MCTP2: variants seen among roughly 807,000 people sequenced by gnomAD.
MCTP2 encodes the protein multiple C2 and transmembrane domain containing 2.
In MCTP2, 132 loss-of-function variants were observed where a neutral mutation model predicts 111.6. That is an observed-to-expected ratio of 1.18 (90% confidence interval 1.03 to 1.37). MCTP2 has a LOEUF of 1.37. Among genes scored for constraint, MCTP2 ranks in the 40% most tolerant of loss-of-function variants. The pLI is 0.00. For missense variants in MCTP2, 1,183 were observed against 1,067.9 expected, an observed-to-expected ratio of 1.11 and a Z score of -1.50; for synonymous variants, 395 against 387.7, an observed-to-expected ratio of 1.02 and a Z score of -0.22.
chr15:94,330,076 A>G (rs1003332505), intron 4 of MCTP2, among the ~76,000 whole-genome samples: 2 of 152,196 alleles, frequency 1.3e-5, no homozygotes, highest in African/African-American at 2.4e-5. Flanking sequence ...TGCCTGGCTT[A>G]TTTCACTTAG....
intron 12 of MCTP2, among the ~76,000 whole-genome samples, chr15:94,375,313 T>C (rs1030017795): frequency 4.6e-5 from 7 of 152,162 alleles, no homozygotes; most frequent in South Asian, 4.1e-4. Context: ...ACCTCCACCA[T>C]TGGGGATTAC....
At chr15:94,301,616 C>T (rs1178057072) in intron 2 of MCTP2, among the ~76,000 whole-genome samples, 1 of 152,220 alleles carries the variant, frequency 6.6e-6, no homozygotes, top group Non-Finnish European at 1.5e-5. Context: ...TTGTTTAATA[C>T]AAAAACGATG....
intron 7 of MCTP2, chr15:94,341,245 C>G (rs1357622924): frequency 6.5e-6 from 2 of 306,928 alleles, no homozygotes; most frequent in African/African-American, 4.3e-5. Flanking sequence ...TGGGAAGATA[C>G]AAATTTTAAT....
At chr15:94,330,434 T>C (rs1037157154) in intron 4 of MCTP2, among the ~76,000 whole-genome samples, 3 of 152,216 alleles carry the variant, frequency 2.0e-5, no homozygotes, top group African/African-American at 7.2e-5. Context: ...CTAATATGCA[T>C]ATAGGTCTTG....
chr15:94,430,163 C>A (rs928225246), intron 17 of MCTP2, among the ~76,000 whole-genome samples: 29 of 152,144 alleles, frequency 1.9e-4, no homozygotes, highest in African/African-American at 7.0e-4. Context: ...CACAGTAATT[C>A]TTCTTAAATA....
intron 10 of MCTP2, among the ~76,000 whole-genome samples, chr15:94,362,787 G>A (rs1242726882): frequency 6.6e-6 from 1 of 152,178 alleles, no homozygotes; most frequent in Non-Finnish European, 1.5e-5. Flanking sequence ...AACTTGAGCA[G>A]GTTTGTCTGA....
intron 1 of MCTP2, among the ~76,000 whole-genome samples, chr15:94,255,598 C>T (rs754412388): frequency 1.6e-4 from 25 of 152,096 alleles, no homozygotes; most frequent in Admixed American, 2.6e-4. Flanking sequence ...AAGGAAGGGA[C>T]GTTGCATCTC....
chr15:94,260,770 C>A (rs191941325), intron 1 of MCTP2, among the ~76,000 whole-genome samples: 3 of 152,172 alleles, frequency 2.0e-5, no homozygotes, highest in Non-Finnish European at 4.4e-5. Flanking sequence ...CTGAATGAAC[C>A]CCTCTTCTCA....
chr15:94,385,611 ACCTGGGGG>A, intron 14 of MCTP2, 86 bp downstream of exon 14: 3 of 907,190 alleles, frequency 3.3e-6, no homozygotes, highest in South Asian at 2.8e-5. Context: ...ATCTTTGTCA[ACCTGGGGG>A]AAAAAAATCC....
chr15:94,293,570 C>A (rs2075125299), intron 1 of MCTP2, among the ~76,000 whole-genome samples: 1 of 152,192 alleles, frequency 6.6e-6, no homozygotes, highest in African/African-American at 2.4e-5. Context: ...TACTCCAGGC[C>A]ACGGTCTTCC....
rs779260046 is a variant in MCTP2, at chr15:94,340,904, CAG to C, written c.950_951del (p.Gln317ArgfsTer2). ...GTTAAATTTGAACCTAGTGGTAAAACAGGGTGATTTCAAGAGACACGTAAGTG... is the reference window on the plus strand; with the variant it reads ...GTTAAATTTGAACCTAGTGGTAAAACGGTGATTTCAAGAGACACGTAAGTG... ...IVLNLNLVVK[Q>X]GDFKRHRWSN... On this transcript the variant is annotated frameshift_variant, in exon 7 of 23. Coordinates refer to ENST00000357742, the MANE Select transcript of MCTP2 (RefSeq NM_001385001.1). LOFTEE classifies it high-confidence loss of function. 11 of 1,609,064 alleles carry C rather than the reference CAG, an allele frequency of 6.8e-6. No individual in the cohort carries two copies. The highest frequency in any genetic ancestry group is 9.4e-6 in the Non-Finnish European group (11 of 1,175,624).
At chr15:94,323,136 G>C (rs2076702209) in intron 4 of MCTP2, among the ~76,000 whole-genome samples, 1 of 152,162 alleles carries the variant, frequency 6.6e-6, no homozygotes, top group Non-Finnish European at 1.5e-5. Context: ...ATTTTTCTGG[G>C]AGTTTTGGTG....
At chr15:94,447,644 T>TG (rs35762140) in intron 19 of MCTP2, among the ~76,000 whole-genome samples, 46,082 of 152,110 alleles carry the variant, frequency 0.3, 7,327 homozygotes, top group African/African-American at 0.39. Context: ...CCCAAAGTTC[T>TG]GGGATTACAG....
chr15:94,322,675 A>G (rs2076683283), intron 4 of MCTP2, among the ~76,000 whole-genome samples: 1 of 152,232 alleles, frequency 6.6e-6, no homozygotes, highest in South Asian at 2.1e-4. Context: ...CAAAGATGGT[A>G]TAATCTCATT....
At chr15:94,262,116 AT>A (rs1284046421) in intron 1 of MCTP2, among the ~76,000 whole-genome samples, 2 of 152,206 alleles carry the variant, frequency 1.3e-5, no homozygotes, top group Non-Finnish European at 2.9e-5. Flanking sequence ...TTATCTTTAA[AT>A]AATTAAAAAA....
At position 94,384,074 on chromosome 15, in the gene MCTP2, G is replaced by T. The variant is rs367649982; in HGVS notation, c.1635G>T (p.Thr545=). ...AGTTAGGCAATGACCGACTTCAGAC[G>T]CATACCGTCTACAAAAACCTCAACC... ...LLELGNDRLQ[T]HTVYKNLNPE... Residue 545 remains threonine (T), a synonymous_variant, in exon 13 of 23, where the codon ACG becomes ACT. Coordinates refer to ENST00000357742, the MANE Select transcript of MCTP2 (RefSeq NM_001385001.1). 19 of 1,613,848 alleles carry T rather than the reference G, an allele frequency of 1.2e-5. No homozygotes were observed. The East Asian group carries it at 4.2e-4, about 36-fold the overall frequency.
At chr15:94,397,890 C>T (rs1250577487) in intron 14 of MCTP2, among the ~76,000 whole-genome samples, 1 of 152,100 alleles carries the variant, frequency 6.6e-6, no homozygotes, top group East Asian at 1.9e-4. Flanking sequence ...TTTGCTGAGG[C>T]CCTTTTAGAG....
intron 12 of MCTP2, among the ~76,000 whole-genome samples, chr15:94,373,570 T>C (rs879695900): frequency 2.6e-5 from 4 of 152,236 alleles, no homozygotes; most frequent in African/African-American, 9.6e-5. Flanking sequence ...TGTTAATACA[T>C]TTAAATGTAT....
At chr15:94,257,158 T>G (rs984364113) in intron 1 of MCTP2, among the ~76,000 whole-genome samples, 4 of 152,326 alleles carry the variant, frequency 2.6e-5, no homozygotes, top group Middle Eastern at 3.4e-3. Flanking sequence ...CCATTCCTAT[T>G]TTTGGAATCC....
Sources: gnomAD v4.1 joint callset for allele counts (sites outside exome capture counted in the v4.1 genomes callset) on GRCh38, gnomAD v4.1.1 for gene constraint, MANE v1.5 for transcripts, NCBI Gene and HGNC (gene_info 2026-07-23, HGNC 2026-07-21) for gene names.